The following NELL1 variants were observed in gnomAD, a reference collection of about 807,000 sequenced individuals.
NELL1 encodes protein kinase C-binding protein NELL1.
NELL1 carries 76 observed loss-of-function variants against 107.4 expected under a neutral mutation model. The ratio of observed to expected loss-of-function variants is 0.71; its 90% CI spans 0.59 to 0.86. The LOEUF is 0.86. Among genes scored for constraint, NELL1 ranks in the 40% least tolerant of loss-of-function variants. The pLI, the probability that NELL1 is intolerant of heterozygous loss-of-function variation, is 0.00. For synonymous variants in NELL1, 353 were observed against 341.2 expected, an observed-to-expected ratio of 1.03 and a Z score of -0.38; for missense variants, 1,024 against 1,005.5, an observed-to-expected ratio of 1.02 and a Z score of -0.25.
chr11:20,946,827 A>G (rs1303611876), intron 10 of NELL1, among the ~76,000 whole-genome samples: 5 of 152,206 alleles, frequency 3.3e-5, no homozygotes. Context: ...ATCCAAACTG[A>G]GAATTCATTA....
chr11:21,328,927 G>A (rs2213069), intron 14 of NELL1, among the ~76,000 whole-genome samples: 112,298 of 152,058 alleles, frequency 0.74, 42,861 homozygotes, highest in Non-Finnish European at 0.83. Context: ...ATATCTAGGA[G>A]GTAACTATCT....
chr11:21,030,835 G>T (rs1419202089), intron 12 of NELL1, among the ~76,000 whole-genome samples: 1 of 151,554 alleles, frequency 6.6e-6, no homozygotes, highest in African/African-American at 2.4e-5. Context: ...TTGATATTTG[G>T]CATATTTCCT....
chr11:21,423,356 G>C (rs947682678), intron 15 of NELL1, among the ~76,000 whole-genome samples: 6 of 151,840 alleles, frequency 4.0e-5, no homozygotes, highest in Non-Finnish European at 7.4e-5. Context: ...GCGACAGAGA[G>C]AGACTTCATA....
At chr11:21,549,143 T>C (rs896396785) in intron 16 of NELL1, among the ~76,000 whole-genome samples, 2 of 151,962 alleles carry the variant, frequency 1.3e-5, no homozygotes. Flanking sequence ...GAGATAACTT[T>C]GGTAGAAATG....
chr11:21,454,839 C>T (rs926307789), intron 15 of NELL1, among the ~76,000 whole-genome samples: 13 of 152,186 alleles, frequency 8.5e-5, no homozygotes, highest in Non-Finnish European at 1.5e-4. Flanking sequence ...TCTTCACCTT[C>T]GTGACATCAT....
chr11:21,025,337 T>C (rs973461272), intron 12 of NELL1, among the ~76,000 whole-genome samples: 23 of 151,972 alleles, frequency 1.5e-4, no homozygotes, highest in African/African-American at 5.3e-4. Context: ...TATTTCATAG[T>C]TCAAGAAAGC....
At chr11:20,835,889 C>T (rs552693666) in intron 3 of NELL1, among the ~76,000 whole-genome samples, 71 of 152,136 alleles carry the variant, frequency 4.7e-4, no homozygotes, top group African/African-American at 1.5e-3. Flanking sequence ...TTAGGTACAA[C>T]ATGAATAGTA....
At chr11:21,208,839 G>GTA (rs1857441359) in intron 13 of NELL1, among the ~76,000 whole-genome samples, 1 of 152,114 alleles carries the variant, frequency 6.6e-6, no homozygotes, top group Admixed American at 6.6e-5. Context: ...AGCCAGAGTG[G>GTA]GGGTAGTTCC....
intron 16 of NELL1, among the ~76,000 whole-genome samples, chr11:21,558,277 A>C (rs183560758): frequency 7.7e-4 from 117 of 151,870 alleles, no homozygotes; most frequent in African/African-American, 2.6e-3. Flanking sequence ...CTCTTTGTGG[A>C]TCTCCCGTTG....
intron 14 of NELL1, among the ~76,000 whole-genome samples, chr11:21,269,670 C>T (rs1848702553): frequency 6.6e-6 from 1 of 152,116 alleles, no homozygotes; most frequent in East Asian, 1.9e-4. Context: ...GCAGACCTAC[C>T]TTACAAGAAA....
At chr11:21,530,074 C>G (rs567193723) in intron 15 of NELL1, among the ~76,000 whole-genome samples, 1 of 152,118 alleles carries the variant, frequency 6.6e-6, no homozygotes, top group Non-Finnish European at 1.5e-5. Flanking sequence ...GGATATAATA[C>G]AGTGCTTAGT....
At chr11:20,910,299 T>G (rs988478973) in intron 5 of NELL1, among the ~76,000 whole-genome samples, 1 of 152,192 alleles carries the variant, frequency 6.6e-6, no homozygotes, top group East Asian at 1.9e-4. Flanking sequence ...ACTTCCACAG[T>G]GCTTTACTGA....
intron 15 of NELL1, among the ~76,000 whole-genome samples, chr11:21,390,541 G>GACACACACACACA (rs1851850703): frequency 7.0e-6 from 1 of 142,864 alleles, no homozygotes; most frequent in Non-Finnish European, 1.5e-5. Flanking sequence ...ACACACACGT[G>GACACACACACACA]CGCACGCACC....
chr11:21,551,570 A>C (rs1044324506), intron 16 of NELL1, among the ~76,000 whole-genome samples: 10 of 151,804 alleles, frequency 6.6e-5, no homozygotes, highest in African/African-American at 1.4e-4. Flanking sequence ...AGAAATGCAA[A>C]TCAAAACCGC....
intron 15 of NELL1, among the ~76,000 whole-genome samples, chr11:21,377,233 T>G (rs1372190949): frequency 6.6e-6 from 1 of 152,154 alleles, no homozygotes; most frequent in Non-Finnish European, 1.5e-5. Context: ...ATGGCTAGTC[T>G]GTTGAGAGTT....
At chr11:21,344,396 T>C (rs866778378) in intron 14 of NELL1, among the ~76,000 whole-genome samples, 1 of 152,198 alleles carries the variant, frequency 6.6e-6, no homozygotes, top group South Asian at 2.1e-4. Context: ...GCTTGAAATC[T>C]GGTGTAGAAG....
intron 13 of NELL1, among the ~76,000 whole-genome samples, chr11:21,156,460 C>T (rs903344047): frequency 6.6e-6 from 1 of 151,818 alleles, no homozygotes; most frequent in African/African-American, 2.4e-5. Flanking sequence ...GCTAAATAGT[C>T]AGAAACAAGG....
At chr11:21,344,357 G>A (rs12222217) in intron 14 of NELL1, among the ~76,000 whole-genome samples, 28,076 of 152,048 alleles carry the variant, frequency 0.18, 2,808 homozygotes, top group Middle Eastern at 0.3. Context: ...TACTAATTGA[G>A]TTCTGTCAGT....
At chr11:21,309,283 T>TATATATATATATATATATA (rs1849686295) in intron 14 of NELL1, among the ~76,000 whole-genome samples, 4 of 27,180 alleles carry the variant, frequency 1.5e-4, no homozygotes, top group Non-Finnish European at 2.6e-4. Context: ...TATATATGTA[T>TATATATATATATATATATA]ATATATATAT....
Sources: allele counts gnomAD v4.1 joint callset (sites outside exome capture counted in the v4.1 genomes callset), GRCh38; gene constraint gnomAD v4.1.1; transcripts MANE v1.5; gene names NCBI Gene and HGNC (gene_info 2026-07-23, HGNC 2026-07-21).